The following NRCAM variants were observed in gnomAD, a reference collection of about 807,000 sequenced individuals.
NRCAM encodes the protein NgCAM-related cell adhesion molecule.
Under a neutral mutation model 156.5 loss-of-function variants are expected in NRCAM, and 83 were observed. The observed-to-expected ratio is 0.53, with a 90% confidence interval of 0.44 to 0.64. The LOEUF (loss-of-function observed/expected upper bound fraction) is 0.64. NRCAM is among the 30% of genes least tolerant of loss of function. The pLI is 0.00. For missense variants in NRCAM, 1,417 were observed against 1,597.3 expected (o/e 0.89, Z 1.92); for synonymous variants, 538 against 563.9 (o/e 0.95, Z 0.65).
At chr7:108,393,551 C>A (rs1388396330) in intron 2 of NRCAM, among the ~76,000 whole-genome samples, 1 of 152,286 alleles carries the variant, frequency 6.6e-6, no homozygotes. Flanking sequence ...TGATGCCTCA[C>A]CTTGCTTCGG....
intron 3 of NRCAM, among the ~76,000 whole-genome samples, chr7:108,285,218 C>T (rs576871716): frequency 5.0e-4 from 76 of 151,686 alleles, no homozygotes; most frequent in Admixed American, 9.8e-4. Context: ...CACATGCCTG[C>T]AAGAACAACA....
intron 1 of NRCAM, among the ~76,000 whole-genome samples, chr7:108,418,856 G>A (rs10224567): frequency 0.78 from 118,448 of 152,090 alleles, 47,908 homozygotes; most frequent in East Asian, 0.95. Context: ...TATGACACAA[G>A]TAACAAGTCT....
intron 2 of NRCAM, among the ~76,000 whole-genome samples, chr7:108,317,577 T>C (rs752200101): frequency 6.6e-6 from 1 of 152,128 alleles, no homozygotes; most frequent in African/African-American, 2.4e-5. Context: ...CAGAAGGCTC[T>C]GTGTGATGGC....
chr7:108,293,839 T>C (rs2098388358), intron 3 of NRCAM, among the ~76,000 whole-genome samples: 1 of 152,232 alleles, frequency 6.6e-6, no homozygotes. Flanking sequence ...TACTGTGAGT[T>C]AGATACCGGC....
intron 2 of NRCAM, among the ~76,000 whole-genome samples, chr7:108,364,347 G>C (rs1045497451): frequency 1.3e-5 from 2 of 152,162 alleles, no homozygotes; most frequent in African/African-American, 4.8e-5. Context: ...TAGAAAAGCT[G>C]ACAATAGCAA....
intron 3 of NRCAM, among the ~76,000 whole-genome samples, chr7:108,255,720 G>A (rs1414571628): frequency 6.6e-6 from 1 of 150,720 alleles, no homozygotes; most frequent in Non-Finnish European, 1.5e-5. Context: ...GGGATGTGAG[G>A]AGCGCCTCTG....
Position 108,184,606 on chromosome 7 carries a change from T to C in NRCAM, c.2044A>G (p.Ile682Val). The C allele has an allele frequency of 6.2e-7, 1 of 1,612,300 alleles. No homozygotes were observed. The highest frequency in any genetic ancestry group is 2.2e-5 in the East Asian group (1 of 44,864). Reference protein sequence around the residue: ...DNNSPITKFIIEYEDAMHKPG... With the variant: ...DNNSPITKFIVEYEDAMHKPG... Reference sequence around the variant, plus strand: ...TTGTGCATTGCATCTTCATATTCGATGATGAATTCTGGTCACGACACACAC... The same window carrying C: ...TTGTGCATTGCATCTTCATATTCGACGATGAATTCTGGTCACGACACACAC... The change falls in exon 21 of 33, where the codon ATC becomes GTC. Residue 682 changes from isoleucine (I) to valine (V), a missense_variant. Around this residue, in one of 2 missense-constraint regions of NRCAM, gnomAD observed 1,238 missense variants for 1,336.4 expected, o/e 0.93. Transcript: ENST00000379028.
At chr7:108,402,817 A>G (rs2099796796) in intron 1 of NRCAM, among the ~76,000 whole-genome samples, 1 of 152,226 alleles carries the variant, frequency 6.6e-6, no homozygotes. Context: ...CCCAGGAGGT[A>G]GGTTTGTGCA....
Position 108,183,582 on chromosome 7 carries a change from GC to G in NRCAM, c.2304+658del, listed in dbSNP as rs372557696. On this transcript the variant is annotated intron_variant, in intron 22 of 32. Transcript: ENST00000379028. The stretch of plus-strand genomic sequence containing the variant: ...GATGGAATCTTGCTCTGTCACCCAG[GC>G]TGGAGTGCAGTGGTGTAATCTCGGC... 2.8e-4 allele frequency among the ~76,000 whole-genome samples: 43 copies of G among 151,766 alleles called. No homozygotes were observed. In the East Asian group the frequency reaches 6.8e-3, roughly 24 times the overall value.
rs112100777 is a variant in NRCAM at position 108,198,463 on chromosome 7, C to T, written c.1208-364G>A. ...TGTGCAGGTTTGTTACATATGTATA[C>T]ATGTGCCATGTTGAACACCAAGTAT... On this transcript the variant is annotated intron_variant, in intron 13 of 32. Coordinates refer to ENST00000379028, the MANE Select transcript of NRCAM (RefSeq NM_001037132.4). 8.2e-3 allele frequency among the ~76,000 whole-genome samples: 1,239 copies of T among 151,860 alleles called. 16 individuals carry two copies. Among genetic ancestry groups the T allele is most frequent in the African/African-American group, 0.029 (1,180 of 41,384 alleles).
At chr7:108,237,479 G>A (rs1349897838) in intron 5 of NRCAM, among the ~76,000 whole-genome samples, 1 of 152,142 alleles carries the variant, frequency 6.6e-6, no homozygotes. Flanking sequence ...TTCTCATTGA[G>A]TTACATCAGA....
At chr7:108,178,998 T>C (rs200905737) in intron 25 of NRCAM, among the ~76,000 whole-genome samples, 2 of 152,186 alleles carry the variant, frequency 1.3e-5, no homozygotes, top group East Asian at 3.9e-4. Flanking sequence ...GTCATTTCCC[T>C]GCTTTAGGCC....
At position 108,309,850 on chromosome 7, in the gene NRCAM, C is replaced by A. The variant is rs535955674; in HGVS notation, c.-107+2815G>T. ...GCAACCTGGGTGACAAGTGAGACTC[C>A]ATCTCAAGAAAGAAATAAATTAAAT... is the stretch of plus-strand genomic sequence containing the variant. On this transcript the variant is annotated intron_variant, in intron 3 of 32. Coordinates refer to ENST00000379028, the MANE Select transcript of NRCAM (RefSeq NM_001037132.4). Among the ~76,000 whole-genome samples, 6 of 151,946 alleles carry A rather than the reference C, an allele frequency of 3.9e-5. No individual in the cohort carries two copies. The South Asian group carries it at 1.2e-3, about 32-fold the overall frequency.
intron 12 of NRCAM, among the ~76,000 whole-genome samples, chr7:108,208,962 A>C (rs1360265095): frequency 1.3e-5 from 2 of 152,210 alleles, no homozygotes; most frequent in African/African-American, 4.8e-5. Context: ...GCATACACTC[A>C]AGAAGAGGGA....
intron 13 of NRCAM, among the ~76,000 whole-genome samples, chr7:108,206,724 C>G (rs903575265): frequency 5.3e-5 from 8 of 152,174 alleles, no homozygotes; most frequent in African/African-American, 1.9e-4. Context: ...TCCCTTGACT[C>G]TCCCCAAGCC....
intron 3 of NRCAM, among the ~76,000 whole-genome samples, chr7:108,292,062 A>G (rs924566842): frequency 2.0e-5 from 3 of 152,238 alleles, no homozygotes; most frequent in Admixed American, 1.3e-4. Context: ...AGGGAAATAT[A>G]CACCCAGTTT....
chr7:108,362,083 G>A (rs2099555948), intron 2 of NRCAM, among the ~76,000 whole-genome samples: 2 of 152,116 alleles, frequency 1.3e-5, no homozygotes, highest in Admixed American at 6.5e-5. Context: ...GTCTTAGTCC[G>A]TCCAATCTGC....
At chr7:108,390,410 G>A (rs182143874) in intron 2 of NRCAM, among the ~76,000 whole-genome samples, 3 of 152,060 alleles carry the variant, frequency 2.0e-5, no homozygotes, top group East Asian at 3.9e-4. Context: ...CTGTGGAATC[G>A]GTGGTGATAC....
chr7:108,152,384 C>G lies in NRCAM; in HGVS notation c.3678-2237G>C, dbSNP rs970353463. ...GGGGTGAGGGGAAGCCTGGCAGGTT[C>G]TAGGAACACTAAGGAGCTTGGTGTG... On this transcript the variant is annotated intron_variant, in intron 32 of 32. Transcript: ENST00000379028. Among the ~76,000 whole-genome samples the G allele has an allele frequency of 5.9e-5, 9 of 151,364 alleles. No individual in the cohort carries two copies. The East Asian group carries it at 9.8e-4, about 16-fold the overall frequency.
Sources: allele counts gnomAD v4.1 joint callset (sites outside exome capture counted in the v4.1 genomes callset), GRCh38; gene constraint gnomAD v4.1.1; regional missense constraint gnomAD v4.1.1; transcripts MANE v1.5; gene names NCBI Gene and HGNC (gene_info 2026-07-23, HGNC 2026-07-21).